The following TMEM178B variants were observed in gnomAD, a reference collection of about 807,000 sequenced individuals.
TMEM178B encodes transmembrane protein 178B.
In TMEM178B, 5 loss-of-function variants were observed where a neutral mutation model predicts 31.0. The ratio of observed to expected loss-of-function variants is 0.16; its 90% CI spans 0.08 to 0.34. The LOEUF (loss-of-function observed/expected upper bound fraction) is 0.34, where lower values mean the gene tolerates loss of function less well. TMEM178B is among the 10% of genes least tolerant of loss of function. The pLI, the probability that TMEM178B is intolerant of heterozygous loss-of-function variation, is 1.00. For synonymous variants in TMEM178B, 164 were observed against 164.0 expected, an observed-to-expected ratio of 1.00 and a Z score of 0.00; for missense variants, 275 against 400.3, an observed-to-expected ratio of 0.69 and a Z score of 2.67.
At chr7:141,268,082 A>G (rs1354397074) in intron 2 of TMEM178B, among the ~76,000 whole-genome samples, 10 of 152,252 alleles carry the variant, frequency 6.6e-5, no homozygotes, top group South Asian at 2.1e-4. Flanking sequence ...TGGAAAATGC[A>G]TATTATGAAA....
intron 1 of TMEM178B, among the ~76,000 whole-genome samples, chr7:141,114,310 A>T (rs536117810): frequency 6.6e-6 from 1 of 151,710 alleles, no homozygotes; most frequent in Non-Finnish European, 1.5e-5. Context: ...TGCACTGTAT[A>T]TCTGTATATC....
chr7:141,242,384 C>G (rs984052350), intron 2 of TMEM178B, among the ~76,000 whole-genome samples: 2 of 151,052 alleles, frequency 1.3e-5, no homozygotes, highest in African/African-American at 4.9e-5. Flanking sequence ...TTTTAAAGTA[C>G]TGTTGAATTG....
chr7:141,159,971 G>A (rs190838259), intron 1 of TMEM178B, among the ~76,000 whole-genome samples: 92 of 148,422 alleles, frequency 6.2e-4, no homozygotes, highest in African/African-American at 2.1e-3. Flanking sequence ...TTCAATAATG[G>A]GGAAGCATTG....
At chr7:141,282,259 T>G (rs1235058534) in intron 2 of TMEM178B, among the ~76,000 whole-genome samples, 1 of 152,166 alleles carries the variant, frequency 6.6e-6, no homozygotes, top group Non-Finnish European at 1.5e-5. Context: ...AAAATACCCC[T>G]GGGTTTGCAA....
chr7:141,325,899 TG>T (rs1344420779), intron 2 of TMEM178B, among the ~76,000 whole-genome samples: 27 of 152,308 alleles, frequency 1.8e-4, no homozygotes, highest in Admixed American at 5.2e-4. Flanking sequence ...GGTTTAGTCC[TG>T]GGAATAACTG....
intron 2 of TMEM178B, among the ~76,000 whole-genome samples, chr7:141,231,151 C>T (rs1797436354): frequency 6.6e-6 from 1 of 152,186 alleles, no homozygotes; most frequent in Non-Finnish European, 1.5e-5. Context: ...AGGACTGAGA[C>T]ATTGTCCTGT....
intron 1 of TMEM178B, among the ~76,000 whole-genome samples, chr7:141,190,402 C>T (rs559865210): frequency 7.7e-4 from 117 of 152,146 alleles, no homozygotes; most frequent in African/African-American, 2.8e-3. Flanking sequence ...TAGCCTTGAC[C>T]TCCTGGGCTC....
chr7:141,124,338 G>A (rs1422993732), intron 1 of TMEM178B, among the ~76,000 whole-genome samples: 1 of 152,054 alleles, frequency 6.6e-6, no homozygotes, highest in Non-Finnish European at 1.5e-5. Context: ...CTGCACTCCA[G>A]CCTGGGTGAC....
intron 3 of TMEM178B, among the ~76,000 whole-genome samples, chr7:141,453,795 A>C (rs567463829): frequency 3.4e-4 from 52 of 152,346 alleles, no homozygotes; most frequent in African/African-American, 1.3e-3. Flanking sequence ...TTTCAGAAGC[A>C]GTATGCCAAG....
In TMEM178B at chr7:141,183,458, A is replaced by T. The variant is rs968154047; in HGVS notation, c.383-29133A>T. On this transcript the variant is annotated intron_variant, in intron 1 of 3. Coordinates refer to ENST00000565468, the MANE Select transcript of TMEM178B (RefSeq NM_001195278.2). ...AAATTTTTCTTTGTGTTACCTACAA[A>T]AAAGCAGTTACTTATCTGTATTAGA... Among the ~76,000 whole-genome samples, 6 of 152,244 alleles carry T rather than the reference A, an allele frequency of 3.9e-5. No homozygotes were observed. In the South Asian group the frequency reaches 6.2e-4, roughly 16 times the overall value.
At chr7:141,280,960 A>C (rs1234351096) in intron 2 of TMEM178B, among the ~76,000 whole-genome samples, 1 of 152,214 alleles carries the variant, frequency 6.6e-6, no homozygotes, top group Non-Finnish European at 1.5e-5. Context: ...TACAAAGTGA[A>C]CTATTTCAGG....
chr7:141,221,065 A>G (rs996754340), intron 2 of TMEM178B, among the ~76,000 whole-genome samples: 3 of 152,200 alleles, frequency 2.0e-5, no homozygotes, highest in African/African-American at 7.2e-5. Flanking sequence ...CAACTTCCAT[A>G]CTTAAATCAG....
At chr7:141,314,093 A>T (rs1345288931) in intron 2 of TMEM178B, among the ~76,000 whole-genome samples, 1 of 152,086 alleles carries the variant, frequency 6.6e-6, no homozygotes, top group Non-Finnish European at 1.5e-5. Context: ...ACCACCTGAC[A>T]TCTCTTTCAT....
intron 2 of TMEM178B, among the ~76,000 whole-genome samples, chr7:141,267,899 T>C (rs1798119065): frequency 6.6e-6 from 1 of 152,208 alleles, no homozygotes; most frequent in South Asian, 2.1e-4. Context: ...TGCCTGCACT[T>C]AGCAGATGTT....
At chr7:141,117,052 A>C (rs1056604685) in intron 1 of TMEM178B, among the ~76,000 whole-genome samples, 1 of 152,096 alleles carries the variant, frequency 6.6e-6, no homozygotes, top group Non-Finnish European at 1.5e-5. Context: ...TGCTGGGTCA[A>C]ATGTATTTCT....
intron 2 of TMEM178B, among the ~76,000 whole-genome samples, chr7:141,379,915 A>G (rs959637482): frequency 6.6e-6 from 1 of 152,200 alleles, no homozygotes; most frequent in African/African-American, 2.4e-5. Flanking sequence ...GTATATTACA[A>G]TTCTACCAGA....
intron 1 of TMEM178B, among the ~76,000 whole-genome samples, chr7:141,191,675 T>G (rs1185636513): frequency 6.6e-6 from 1 of 152,232 alleles, no homozygotes; most frequent in East Asian, 1.9e-4. Context: ...CTTTTGCTCA[T>G]TTTTAAATTG....
At chr7:141,349,685 G>A (rs982920286) in intron 2 of TMEM178B, among the ~76,000 whole-genome samples, 6 of 152,188 alleles carry the variant, frequency 3.9e-5, no homozygotes, top group East Asian at 1.9e-4. Context: ...AGAATAAGGG[G>A]ACAGGAGTGC....
chr7:141,310,369 C>T (rs6962669), intron 2 of TMEM178B, among the ~76,000 whole-genome samples: 56,834 of 151,940 alleles, frequency 0.37, 11,170 homozygotes, highest in African/African-American at 0.49. Flanking sequence ...AAAACTACAG[C>T]GAGACACTAT....
Sources: allele counts gnomAD v4.1 joint callset (sites outside exome capture counted in the v4.1 genomes callset), GRCh38; gene constraint gnomAD v4.1.1; transcripts MANE v1.5; gene names NCBI Gene and HGNC (gene_info 2026-07-23, HGNC 2026-07-21).